The following GPD1L variants were observed in gnomAD, a reference collection of about 807,000 sequenced individuals.
GPD1L encodes glycerol-3-phosphate dehydrogenase 1 like.
A neutral mutation model predicts 32.9 loss-of-function variants in GPD1L; 17 were observed. That is an observed-to-expected ratio of 0.52 (90% CI 0.35 to 0.78). The LOEUF is 0.78. GPD1L is among the 30% of genes least tolerant of loss of function. The pLI is 0.01. For missense variants in GPD1L, 361 were observed against 447.8 expected, an observed-to-expected ratio of 0.81 and a Z score of 1.75; for synonymous variants, 187 against 165.9, an observed-to-expected ratio of 1.13 and a Z score of -0.98.
At chr3:32,149,407 T>C (rs1429263731) in intron 5 of GPD1L, among the ~76,000 whole-genome samples, 2 of 152,200 alleles carry the variant, frequency 1.3e-5, no homozygotes, top group African/African-American at 4.8e-5. Context: ...AGTAATATTC[T>C]CCATACTAGC....
In GPD1L at chr3:32,150,816, G is replaced by A. The variant is rs75985821; in HGVS notation, c.618+4082G>A. ...AAGTGAAACTCATCAATGGCTGGAC[G>A]TCGTGGGTCATCCTTGTAATCCCAG... On this transcript the variant is annotated intron_variant, in intron 5 of 7. Transcript: ENST00000282541. Among the ~76,000 whole-genome samples, 3,533 of 152,252 alleles carry A rather than the reference G, an allele frequency of 0.023. 298 individuals are homozygous for A. In the East Asian group the frequency reaches 0.25, roughly 11 times the overall value.
chr3:32,164,137 G>T (rs1701112297), intron 7 of GPD1L, among the ~76,000 whole-genome samples: 1 of 152,198 alleles, frequency 6.6e-6, no homozygotes, highest in Non-Finnish European at 1.5e-5. Context: ...TAGGTGAAAG[G>T]CTAGGAAGGT....
rs532554260 is a variant in GPD1L at position 32,139,364 on chromosome 3, C to T, written c.366+637C>T. On this transcript the variant is annotated intron_variant, in intron 3 of 7. Transcript: ENST00000282541. Reference sequence around the variant, plus strand: ...AAGGTATCATTTATACTCATCACTACTTGGAAATTGTGGTAATTGTTAGAC... The same window carrying T: ...AAGGTATCATTTATACTCATCACTATTTGGAAATTGTGGTAATTGTTAGAC... Among the ~76,000 whole-genome samples, 3 of 152,294 alleles carry T rather than the reference C, an allele frequency of 2.0e-5. No homozygotes were observed. The South Asian group carries it at 6.2e-4, about 32-fold the overall frequency.
At chr3:32,136,087 G>A (rs1331779863) in intron 2 of GPD1L, among the ~76,000 whole-genome samples, 2 of 152,160 alleles carry the variant, frequency 1.3e-5, no homozygotes, top group Admixed American at 1.3e-4. Flanking sequence ...GGCAGTGCTG[G>A]CTTCAGGTGT....
At chr3:32,108,555 G>C (rs1033181771) in intron 1 of GPD1L, among the ~76,000 whole-genome samples, 6 of 152,090 alleles carry the variant, frequency 3.9e-5, no homozygotes, top group African/African-American at 9.7e-5. Flanking sequence ...AAAAACCAAA[G>C]AGTACCAAAA....
chr3:32,151,536 G>C, intron 5 of GPD1L: 1 of 272,016 alleles, frequency 3.7e-6, no homozygotes, highest in Non-Finnish European at 6.8e-6. Context: ...CTGGAGTGCA[G>C]TGGCACAATC....
intron 1 of GPD1L, among the ~76,000 whole-genome samples, chr3:32,117,840 G>A (rs530309539): frequency 7.2e-5 from 11 of 152,176 alleles, no homozygotes; most frequent in Non-Finnish European, 1.3e-4. Context: ...TGGGCAGGTA[G>A]ATTCTCCTGC....
At position 32,138,580 on chromosome 3, in the gene GPD1L, G is replaced by A; in HGVS notation, c.226-7G>A. 6.2e-7 allele frequency: 1 copy of A among 1,613,974 alleles called. No individual in the cohort carries two copies. The highest frequency in any genetic ancestry group is 8.5e-7 in the Non-Finnish European group (1 of 1,179,874). On this transcript the variant is annotated splice_region_variant and splice_polypyrimidine_tract_variant and intron_variant, in intron 2 of 7. Transcript: ENST00000282541. ...GAGAAACGGTCTTCTCTGCCTTTTGGTTGCAGGTTGCCATGTCAAATCTTA... is the reference window on the plus strand; with the variant it reads ...GAGAAACGGTCTTCTCTGCCTTTTGATTGCAGGTTGCCATGTCAAATCTTA...
chr3:32,119,831 A>G (rs1261556251), intron 1 of GPD1L, among the ~76,000 whole-genome samples: 2 of 152,170 alleles, frequency 1.3e-5, no homozygotes, highest in African/African-American at 4.8e-5. Context: ...GGGGCATGGA[A>G]TGTGGAGAAT....
chr3:32,134,475 A>C lies in GPD1L; in HGVS notation c.226-4112A>C, dbSNP rs78971040. 0.024 allele frequency among the ~76,000 whole-genome samples: 3,610 copies of C among 152,244 alleles called. 298 individuals carry two copies. The East Asian group carries it at 0.26, about 11-fold the overall frequency. Reference sequence around the variant, plus strand: ...AGAAGAAATCCTGGCCAGCTAGCAGATTCCTTGAGAATGGTTTGTTTGTTT... The same window carrying C: ...AGAAGAAATCCTGGCCAGCTAGCAGCTTCCTTGAGAATGGTTTGTTTGTTT... On this transcript the variant is annotated intron_variant, in intron 2 of 7. Transcript: ENST00000282541.
At chr3:32,143,522 G>T (rs1700777914) in intron 4 of GPD1L, among the ~76,000 whole-genome samples, 1 of 152,116 alleles carries the variant, frequency 6.6e-6, no homozygotes, top group Admixed American at 6.6e-5. Flanking sequence ...AAAGGCTAAA[G>T]GAGTGTCCCA....
At chr3:32,114,707 C>T (rs1170367709) in intron 1 of GPD1L, among the ~76,000 whole-genome samples, 4 of 151,642 alleles carry the variant, frequency 2.6e-5, no homozygotes, top group Non-Finnish European at 4.4e-5. Context: ...CGGACCCTCA[C>T]GGTGAGTGTT....
chr3:32,121,612 TTTC>T (rs1700417772), intron 1 of GPD1L, among the ~76,000 whole-genome samples: 1 of 103,422 alleles, frequency 9.7e-6, no homozygotes, highest in African/African-American at 4.7e-5. Context: ...TCTATATATA[TTTC>T]TATATATATT....
chr3:32,144,467 T>C (rs1219142862), intron 4 of GPD1L, among the ~76,000 whole-genome samples: 2 of 152,188 alleles, frequency 1.3e-5, no homozygotes, highest in African/African-American at 4.8e-5. Flanking sequence ...CACAAACACA[T>C]ATGGAATCAC....
At chr3:32,117,913 A>G (rs1421010161) in intron 1 of GPD1L, among the ~76,000 whole-genome samples, 2 of 152,264 alleles carry the variant, frequency 1.3e-5, no homozygotes, top group East Asian at 3.9e-4. Context: ...ACTCAGATGA[A>G]CATTGTTCCC....
chr3:32,165,120 C>T lies in GPD1L; in HGVS notation c.960-694C>T, dbSNP rs555171292. ...TCTCAGGAGACTGAGGCAGCAGAAT[C>T]GCTTGAATCCAGGAGGCAGAGGTTG... On this transcript the variant is annotated intron_variant, in intron 7 of 7. Coordinates refer to ENST00000282541, the MANE Select transcript of GPD1L (RefSeq NM_015141.4). Among the ~76,000 whole-genome samples, 24 of 152,260 alleles carry T rather than the reference C, an allele frequency of 1.6e-4. 1 individual carries two copies. Among genetic ancestry groups the T allele is most frequent in the Admixed American group, 1.0e-3 (16 of 15,290 alleles).
Position 32,159,121 on chromosome 3 carries a change from C to G in GPD1L, c.852+12C>G, listed in dbSNP as rs1171083687. ...CCAGAACTGGGAAGGTAGCCCCTCACCTGCTCTCCCGCACCCCCTCCTTCC... is the reference window on the plus strand; with the variant it reads ...CCAGAACTGGGAAGGTAGCCCCTCAGCTGCTCTCCCGCACCCCCTCCTTCC... On this transcript the variant is annotated intron_variant, in intron 6 of 7. Transcript: ENST00000282541. 1 of 1,594,208 alleles carries G rather than the reference C, an allele frequency of 6.3e-7. No homozygotes were observed. The highest frequency in any genetic ancestry group is 8.6e-7 in the Non-Finnish European group (1 of 1,162,504).
chr3:32,162,575 C>T (rs1278163001), intron 7 of GPD1L, among the ~76,000 whole-genome samples: 4 of 62,846 alleles, frequency 6.4e-5, no homozygotes, highest in Non-Finnish European at 1.1e-4. Context: ...TTAGTAGAGA[C>T]GGGGTTTCAC....
intron 4 of GPD1L, among the ~76,000 whole-genome samples, chr3:32,143,372 C>T (rs989044192): frequency 1.3e-5 from 2 of 152,004 alleles, no homozygotes; most frequent in Non-Finnish European, 2.9e-5. Context: ...ATTACAGGTG[C>T]GAGCCACTGT....
Sources: gnomAD v4.1 joint callset for allele counts (sites outside exome capture counted in the v4.1 genomes callset) on GRCh38, gnomAD v4.1.1 for gene constraint, MANE v1.5 for transcripts, NCBI Gene and HGNC (gene_info 2026-07-23, HGNC 2026-07-21) for gene names.